SEL1L2: variants seen among roughly 807,000 people sequenced by gnomAD.
SEL1L2 encodes protein sel-1 homolog 2.
In SEL1L2, 89 loss-of-function variants were observed where a neutral mutation model predicts 98.8. That is an observed-to-expected ratio of 0.90 (90% CI 0.76 to 1.07). SEL1L2 has a LOEUF of 1.07. Ranked by LOEUF, SEL1L2 falls within the 50% of genes least tolerant of loss-of-function variation. SEL1L2 has a pLI of 0.00. For synonymous variants in SEL1L2, 262 were observed against 278.5 expected (o/e 0.94, Z 0.59); for missense variants, 788 against 812.0 (o/e 0.97, Z 0.36).
chr20:13,990,851 C>T (rs2052511369), upstream of SEL1L2, among the ~76,000 whole-genome samples: 1 of 152,238 alleles, frequency 6.6e-6, no homozygotes, highest in South Asian at 2.1e-4. Context: ...ACACGTTCAA[C>T]TGTGTTCAGG....
At chr20:13,918,872 A>G (rs986460877) in intron 4 of SEL1L2, 149 bp downstream of exon 4, 1 of 591,584 alleles carries the variant, frequency 1.7e-6, no homozygotes, top group Admixed American at 3.3e-5. Context: ...TTCTTTAAAC[A>G]CAATTTGATC....
At chr20:13,864,529 G>A (rs940899701) in intron 17 of SEL1L2, among the ~76,000 whole-genome samples, 1 of 152,134 alleles carries the variant, frequency 6.6e-6, no homozygotes, top group Admixed American at 6.6e-5. Flanking sequence ...GCAATGCAAT[G>A]AAAATACCAC....
chr20:13,981,305 G>A (rs571856416), intron 1 of SEL1L2, among the ~76,000 whole-genome samples: 1 of 152,144 alleles, frequency 6.6e-6, no homozygotes, highest in Non-Finnish European at 1.5e-5. Flanking sequence ...GGCTGGGGAG[G>A]GGGGTGTGGG....
chr20:13,978,694 A>AT (rs1366378505), intron 1 of SEL1L2, among the ~76,000 whole-genome samples: 1 of 152,158 alleles, frequency 6.6e-6, no homozygotes, highest in Non-Finnish European at 1.5e-5. Context: ...AAATATAAAA[A>AT]TATAAAATAA....
chr20:13,951,291 A>G (rs67632754), intron 2 of SEL1L2, among the ~76,000 whole-genome samples: 1 of 95,296 alleles, frequency 1.0e-5, no homozygotes, highest in African/African-American at 3.8e-5. Flanking sequence ...AAAAAAAAAA[A>G]AAAAAAAAGA....
intron 3 of SEL1L2, among the ~76,000 whole-genome samples, chr20:13,922,676 TC>T (rs2048715632): frequency 6.6e-6 from 1 of 152,224 alleles, no homozygotes; most frequent in Non-Finnish European, 1.5e-5. Context: ...TGATTTTTAG[TC>T]AGACTATGAT....
At chr20:13,863,545 A>G (rs1169972426) in intron 17 of SEL1L2, among the ~76,000 whole-genome samples, 1 of 152,168 alleles carries the variant, frequency 6.6e-6, no homozygotes, top group Non-Finnish European at 1.5e-5. Flanking sequence ...AAATTTCATT[A>G]TTAGATTCCC....
intron 4 of SEL1L2, among the ~76,000 whole-genome samples, chr20:13,915,945 A>G (rs2048382778): frequency 6.6e-6 from 1 of 152,178 alleles, no homozygotes; most frequent in Non-Finnish European, 1.5e-5. Context: ...TCTGCAGGGC[A>G]CATCAGAAAC....
chr20:13,914,636 T>C (rs1444689539), intron 4 of SEL1L2, among the ~76,000 whole-genome samples: 2 of 152,242 alleles, frequency 1.3e-5, no homozygotes, highest in Non-Finnish European at 2.9e-5. Context: ...GATAGCATTA[T>C]AGCACCCACT....
chr20:13,885,284 C>T lies in SEL1L2; in HGVS notation c.957+63G>A. On this transcript the variant is annotated intron_variant, in intron 10 of 19. Transcript: ENST00000284951. ...TCTCCCTCCCCCTGCTTTCACTTCC[C>T]TGCCAGCCTCCCTCACCACTACCTT... 19 of 1,076,494 alleles carry T rather than the reference C, an allele frequency of 1.8e-5. 1 individual carries two copies. Among genetic ancestry groups the T allele is most frequent in the Middle Eastern group, 2.0e-4 (1 of 4,990 alleles). The allele number at this position is 1,076,494 out of a possible 1,614,324, so 66.7% of individuals were successfully genotyped here.
At position 13,986,589 on chromosome 20, in the gene SEL1L2, CTGAG is replaced by C. The variant is rs2052195771; in HGVS notation, c.58+3884_58+3887del. Among the ~76,000 whole-genome samples, 3 of 152,268 alleles carry C rather than the reference CTGAG, an allele frequency of 2.0e-5. No individual in the cohort carries two copies. The South Asian group carries it at 6.2e-4, about 32-fold the overall frequency. On this transcript the variant is annotated intron_variant, in intron 1 of 19. Coordinates refer to ENST00000284951, the MANE Select transcript of SEL1L2 (RefSeq NM_025229.2). ...CTATGAGCACTTCATTTTTTTATGG[CTGAG>C]TAATATTCCATTGTATGTATATTCC...
chr20:13,994,480 C>T (rs1328461867), upstream of SEL1L2, among the ~76,000 whole-genome samples: 1 of 151,812 alleles, frequency 6.6e-6, no homozygotes, highest in African/African-American at 2.4e-5. Context: ...AATTATTTGC[C>T]CAATATATAT....
At chr20:13,874,244 A>T (rs1440650425) in intron 12 of SEL1L2, among the ~76,000 whole-genome samples, 1 of 152,188 alleles carries the variant, frequency 6.6e-6, no homozygotes, top group Non-Finnish European at 1.5e-5. Flanking sequence ...TAAAATGTGT[A>T]GCTCTGTGTC....
intron 1 of SEL1L2, among the ~76,000 whole-genome samples, chr20:13,982,213 A>G (rs2051861426): frequency 6.6e-6 from 1 of 152,196 alleles, no homozygotes; most frequent in Admixed American, 6.5e-5. Context: ...AGTTACTACT[A>G]GAAAGAAATA....
chr20:13,850,194 A>G lies in SEL1L2; in HGVS notation c.1944T>C (p.Phe648=). 1.2e-6 allele frequency: 2 copies of G among 1,613,794 alleles called. No homozygotes were observed. The highest frequency in any genetic ancestry group is 1.7e-6 in the Non-Finnish European group (2 of 1,179,752). The stretch of plus-strand genomic sequence containing the variant: ...GACCTGTTCAAGACAAACTTACATT[A>G]AAAAACAGGATATCCCGGAGCAAAT... ...TTHLLRDILF[F]NFTTRWNWLK... is the part of the protein sequence containing the mutation. Residue 648 remains phenylalanine (F), a synonymous_variant, in exon 19 of 20, where the codon TTT becomes TTC. Transcript: ENST00000284951.
In SEL1L2 at chr20:13,947,550, C is replaced by G. The variant is rs543230033; in HGVS notation, c.114+8526G>C. 2.0e-5 allele frequency among the ~76,000 whole-genome samples: 3 copies of G among 152,138 alleles called. No homozygotes were observed. The South Asian group carries it at 6.2e-4, about 32-fold the overall frequency. On this transcript the variant is annotated intron_variant, in intron 2 of 19. Transcript: ENST00000284951. ...TATCTCATTCTTCCTGGATGCAGGA[C>G]AAGAACTTGGGACCCGCTGAATGGT...
In SEL1L2 at chr20:13,961,584, A is replaced by C. The variant is rs574352761; in HGVS notation, c.59-5453T>G. 2.0e-4 allele frequency among the ~76,000 whole-genome samples: 30 copies of C among 152,354 alleles called. No homozygotes were observed. In the South Asian group the frequency reaches 2.1e-3, roughly 11 times the overall value. ...AGCTTGGGTTAAAAGAAATTGAGAC[A>C]GTTCAAAATGAGAAGAGGCCTCTGG... is the stretch of plus-strand genomic sequence containing the variant. On this transcript the variant is annotated intron_variant, in intron 1 of 19. Transcript: ENST00000284951.
intron 18 of SEL1L2, 54 bp from the exon 19 acceptor site, chr20:13,850,373 G>A: frequency 6.3e-7 from 1 of 1,583,644 alleles, no homozygotes; most frequent in Non-Finnish European, 8.7e-7. Flanking sequence ...TAAGTAAACA[G>A]ACACCATTGT....
At chr20:13,939,010 T>G (rs924051676) in intron 2 of SEL1L2, among the ~76,000 whole-genome samples, 1 of 149,878 alleles carries the variant, frequency 6.7e-6, no homozygotes, top group Non-Finnish European at 1.5e-5. Flanking sequence ...ATATAGTGGG[T>G]TTTTTCTTTT....
Sources: gnomAD v4.1 joint callset for allele counts (sites outside exome capture counted in the v4.1 genomes callset) on GRCh38, gnomAD v4.1.1 for gene constraint, MANE v1.5 for transcripts, NCBI Gene and HGNC (gene_info 2026-07-23, HGNC 2026-07-21) for gene names.